Variants in STUM observed in about 807,000 individuals in gnomAD.
STUM encodes the protein stum, mechanosensory transduction mediator homolog.
STUM carries 8 observed loss-of-function variants against 15.3 expected under a neutral mutation model. The observed-to-expected ratio is 0.52, with a 90% confidence interval of 0.31 to 0.94. The LOEUF (loss-of-function observed/expected upper bound fraction) is 0.94, where lower values mean the gene tolerates loss of function less well. STUM is among the 40% of genes least tolerant of loss of function. STUM has a pLI of 0.05. For missense variants in STUM, 142 were observed against 204.9 expected, an observed-to-expected ratio of 0.69 and a Z score of 1.87; for synonymous variants, 78 against 88.7, an observed-to-expected ratio of 0.88 and a Z score of 0.68.
At chr1:226,572,008 T>C (rs1281870889) in intron 1 of STUM, among the ~76,000 whole-genome samples, 1 of 152,170 alleles carries the variant, frequency 6.6e-6, no homozygotes, top group Non-Finnish European at 1.5e-5. Flanking sequence ...GCAAAGTTGC[T>C]TAGAAACCTG....
chr1:226,577,553 G>A (rs1006059909), intron 1 of STUM, among the ~76,000 whole-genome samples: 5 of 151,942 alleles, frequency 3.3e-5, no homozygotes, highest in African/African-American at 9.7e-5. Context: ...ACTCGTGCAC[G>A]CATGCACGCC....
chr1:226,550,846 C>T (rs1012928761), intron 1 of STUM, among the ~76,000 whole-genome samples: 6 of 152,160 alleles, frequency 3.9e-5, no homozygotes, highest in Admixed American at 6.5e-5. Context: ...TGCAGGGCAC[C>T]GTCCATTCCG....
rs374310306 is a variant in STUM, at chr1:226,593,066, A to G, written c.203-3736A>G. On this transcript the variant is annotated intron_variant, in intron 1 of 3. Transcript: ENST00000366788. ...CCGGGCATGATGGTGCATGCCTGTA[A>G]TCCCAGCTACTTGGGAGGCTGAAGC... is the stretch of plus-strand genomic sequence containing the variant. Among the ~76,000 whole-genome samples, 4 of 152,082 alleles carry G rather than the reference A, an allele frequency of 2.6e-5. No individual in the cohort carries two copies. In the South Asian group the frequency reaches 8.3e-4, roughly 32 times the overall value.
intron 1 of STUM, among the ~76,000 whole-genome samples, chr1:226,557,257 T>C (rs1049538931): frequency 2.0e-5 from 3 of 152,216 alleles, no homozygotes; most frequent in Non-Finnish European, 2.9e-5. Context: ...TTATTTCACT[T>C]AGCAATAATG....
intron 1 of STUM, among the ~76,000 whole-genome samples, chr1:226,578,158 T>C (rs1166370501): frequency 2.0e-5 from 3 of 152,288 alleles, no homozygotes; most frequent in Middle Eastern, 3.4e-3. Flanking sequence ...ACCATCTTGC[T>C]TCTGTGTGCT....
chr1:226,591,424 A>G (rs940254134), intron 1 of STUM, among the ~76,000 whole-genome samples: 1 of 152,268 alleles, frequency 6.6e-6, no homozygotes, highest in African/African-American at 2.4e-5. Flanking sequence ...CTCTGACACC[A>G]CACACATGCT....
At chr1:226,570,928 A>AT (rs1303931130) in intron 1 of STUM, among the ~76,000 whole-genome samples, 1 of 152,174 alleles carries the variant, frequency 6.6e-6, no homozygotes, top group Non-Finnish European at 1.5e-5. Context: ...TTATTAAAAT[A>AT]TTTTTAAAAG....
intron 1 of STUM, among the ~76,000 whole-genome samples, chr1:226,570,407 C>A (rs1402466464): frequency 6.6e-6 from 1 of 152,166 alleles, no homozygotes; most frequent in Non-Finnish European, 1.5e-5. Context: ...ATGCCCAAAA[C>A]CACCCTGTAA....
intron 1 of STUM, among the ~76,000 whole-genome samples, chr1:226,559,458 G>T (rs146170013): frequency 6.6e-6 from 1 of 152,286 alleles, no homozygotes; most frequent in East Asian, 1.9e-4. Context: ...TGCCTGGCTT[G>T]TCCTGGAGGG....
intron 1 of STUM, among the ~76,000 whole-genome samples, chr1:226,555,334 A>G (rs530494196): frequency 6.6e-6 from 1 of 152,314 alleles, no homozygotes; most frequent in Non-Finnish European, 1.5e-5. Flanking sequence ...CATATATCCA[A>G]CTGCCTTCTC....
chr1:226,582,175 C>T (rs931086001), intron 1 of STUM, among the ~76,000 whole-genome samples: 2 of 152,362 alleles, frequency 1.3e-5, no homozygotes, highest in East Asian at 1.9e-4. Context: ...GCCCCTGCCC[C>T]GGGAAATGTC....
chr1:226,572,318 C>G (rs894645265), intron 1 of STUM, among the ~76,000 whole-genome samples: 3 of 152,166 alleles, frequency 2.0e-5, no homozygotes, highest in Non-Finnish European at 4.4e-5. Context: ...TTTCTAATAC[C>G]TACTACATTC....
intron 1 of STUM, among the ~76,000 whole-genome samples, chr1:226,588,964 G>A (rs1668042490): frequency 6.6e-6 from 1 of 152,234 alleles, no homozygotes; most frequent in Admixed American, 6.5e-5. Context: ...GGAGAAGTGA[G>A]GGAGGGTGTC....
chr1:226,564,867 C>T (rs1252996211), intron 1 of STUM, among the ~76,000 whole-genome samples: 8 of 152,170 alleles, frequency 5.3e-5, no homozygotes, highest in Admixed American at 1.3e-4. Context: ...TCATGCATTC[C>T]GGTTCTGAAT....
In STUM at chr1:226,549,771, A is replaced by G. The variant is rs13375693; in HGVS notation, c.202+665A>G. 6.6e-6 allele frequency among the ~76,000 whole-genome samples: 1 copy of G among 152,138 alleles called. No individual in the cohort carries two copies. The highest frequency in any genetic ancestry group is 1.5e-5 in the Non-Finnish European group (1 of 68,026). Reference sequence around the variant, plus strand: ...TGCATGTGGCCAGAGATGAACCCATAGCTCCCTCGGATCCCTTCTGTTCCT... The same window carrying G: ...TGCATGTGGCCAGAGATGAACCCATGGCTCCCTCGGATCCCTTCTGTTCCT... On this transcript the variant is annotated intron_variant, in intron 1 of 3. Coordinates refer to ENST00000366788, the MANE Select transcript of STUM (RefSeq NM_001003665.4). The surrounding 1 kb of genome is among the most constrained non-coding windows in gnomAD (Gnocchi z 6.8).
At chr1:226,596,076 T>C (rs1470951831) in intron 1 of STUM, among the ~76,000 whole-genome samples, 2 of 152,166 alleles carry the variant, frequency 1.3e-5, no homozygotes, top group Non-Finnish European at 2.9e-5. Context: ...ATGTTACCCA[T>C]AGGGGCTGAG....
chr1:226,564,909 CAGGGG>C (rs1667597446), intron 1 of STUM, among the ~76,000 whole-genome samples: 1 of 152,138 alleles, frequency 6.6e-6, no homozygotes. Context: ...CAGAGGTGGG[CAGGGG>C]AGGAGGCTTG....
At chr1:226,573,766 AC>A (rs1667758720) in intron 1 of STUM, among the ~76,000 whole-genome samples, 1 of 152,094 alleles carries the variant, frequency 6.6e-6, no homozygotes, top group Non-Finnish European at 1.5e-5. Flanking sequence ...TCACATAGTT[AC>A]GTTTTTGTGT....
In STUM at chr1:226,586,928, C is replaced by T. The variant is rs116832786; in HGVS notation, c.203-9874C>T. Among the ~76,000 whole-genome samples, 1,046 of 152,298 alleles carry T rather than the reference C, an allele frequency of 6.9e-3. 12 individuals are homozygous for T. The highest frequency in any genetic ancestry group is 0.031 in the South Asian group (151 of 4,828). ...TGGCCATTACACAACCACCCTTCCC[C>T]GTCCCATCCCCGTCTCCTCAGTTCA... On this transcript the variant is annotated intron_variant, in intron 1 of 3. Coordinates refer to ENST00000366788, the MANE Select transcript of STUM (RefSeq NM_001003665.4).
Sources: allele counts gnomAD v4.1 joint callset (sites outside exome capture counted in the v4.1 genomes callset), GRCh38; gene constraint gnomAD v4.1.1; non-coding constraint Gnocchi (gnomAD v3.1); transcripts MANE v1.5; gene names NCBI Gene and HGNC (gene_info 2026-07-23, HGNC 2026-07-21).